The following RORB variants were observed in gnomAD, a reference collection of about 807,000 sequenced individuals.
RORB encodes nuclear receptor ROR-beta.
In RORB, 6 loss-of-function variants were observed where a neutral mutation model predicts 59.1. The observed-to-expected ratio is 0.10, with a 90% CI of 0.06 to 0.20. The LOEUF (loss-of-function observed/expected upper bound fraction) is 0.20. RORB is among the 10% of genes least tolerant of loss of function. RORB has a pLI of 1.00. For missense variants in RORB, 320 were observed against 560.5 expected (o/e 0.57, Z 4.33); for synonymous variants, 215 against 204.5 (o/e 1.05, Z -0.44).
chr9:74,665,023 T>C (rs1029599856), intron 6 of RORB, among the ~76,000 whole-genome samples: 1 of 152,204 alleles, frequency 6.6e-6, no homozygotes, highest in Non-Finnish European at 1.5e-5. Context: ...AATACAGTAA[T>C]CATGGCTGCC....
At chr9:74,679,066 AAAACAAAAAAAC>A (rs1327637682) in intron 9 of RORB, among the ~76,000 whole-genome samples, 15 of 151,874 alleles carry the variant, frequency 9.9e-5, no homozygotes, top group Middle Eastern at 3.4e-3. Context: ...AACAAAAAAA[AAAACAAAAAAAC>A]CAACCAAACA....
chr9:74,512,331 G>A (rs1430209831), intron 1 of RORB, among the ~76,000 whole-genome samples: 2 of 152,176 alleles, frequency 1.3e-5, no homozygotes, highest in African/African-American at 4.8e-5. Flanking sequence ...CATTGGTGGA[G>A]TTGTGGGAAT....
intron 1 of RORB, among the ~76,000 whole-genome samples, chr9:74,514,144 C>T (rs962146776): frequency 6.6e-6 from 1 of 152,114 alleles, no homozygotes; most frequent in Non-Finnish European, 1.5e-5. Context: ...CTTTGGACAA[C>T]AGCTACTGCT....
intron 1 of RORB, among the ~76,000 whole-genome samples, chr9:74,615,424 C>G (rs1019880466): frequency 1.3e-5 from 2 of 152,194 alleles, no homozygotes; most frequent in African/African-American, 4.8e-5. Context: ...CCTGAGCCAG[C>G]CTTTCACCCT....
intron 1 of RORB, among the ~76,000 whole-genome samples, chr9:74,518,109 C>T (rs1279296672): frequency 6.6e-6 from 1 of 152,004 alleles, no homozygotes; most frequent in East Asian, 1.9e-4. Context: ...CTGACCTCCT[C>T]CTCTGGGTCT....
At chr9:74,625,398 G>C (rs1823494379) in intron 1 of RORB, among the ~76,000 whole-genome samples, 1 of 152,166 alleles carries the variant, frequency 6.6e-6, no homozygotes, top group Non-Finnish European at 1.5e-5. Flanking sequence ...CGGATCACTT[G>C]GGGCCAGAAG....
chr9:74,622,699 G>T (rs1047258793), intron 1 of RORB, among the ~76,000 whole-genome samples: 3 of 151,596 alleles, frequency 2.0e-5, no homozygotes, highest in Non-Finnish European at 2.9e-5. Flanking sequence ...GCTAATTTTT[G>T]TATTTTTAGT....
intron 1 of RORB, among the ~76,000 whole-genome samples, chr9:74,533,855 G>A (rs1444865283): frequency 6.6e-6 from 1 of 151,916 alleles, no homozygotes; most frequent in Non-Finnish European, 1.5e-5. Context: ...AAGTTAAAAA[G>A]TTAATGACAT....
chr9:74,574,166 T>C (rs1015678700), intron 1 of RORB, among the ~76,000 whole-genome samples: 1 of 151,968 alleles, frequency 6.6e-6, no homozygotes. Context: ...ACCCACTCCT[T>C]CCCCTGAAAA....
chr9:74,620,973 A>G (rs1040569326), intron 1 of RORB, among the ~76,000 whole-genome samples: 1 of 152,190 alleles, frequency 6.6e-6, no homozygotes, highest in Admixed American at 6.5e-5. Flanking sequence ...AAAAATTAAT[A>G]AACATTTTTA....
At chr9:74,540,061 C>A (rs1248661778) in intron 1 of RORB, among the ~76,000 whole-genome samples, 5 of 152,052 alleles carry the variant, frequency 3.3e-5, no homozygotes, top group African/African-American at 1.2e-4. Context: ...GAATTTACAA[C>A]CTTCGCACCT....
chr9:74,508,974 A>G (rs1825901380), intron 1 of RORB, among the ~76,000 whole-genome samples: 1 of 151,916 alleles, frequency 6.6e-6, no homozygotes, highest in South Asian at 2.1e-4. Context: ...TCCCTAATCA[A>G]CTATGGCATT....
chr9:74,622,838 T>TC (rs1160206513), intron 1 of RORB, among the ~76,000 whole-genome samples: 2 of 152,128 alleles, frequency 1.3e-5, no homozygotes, highest in East Asian at 3.9e-4. Flanking sequence ...ACCCAGATTC[T>TC]TATAGGCCCA....
intron 9 of RORB, among the ~76,000 whole-genome samples, chr9:74,677,011 C>T (rs566839809): frequency 7.9e-5 from 12 of 152,294 alleles, no homozygotes; most frequent in East Asian, 3.9e-4. Flanking sequence ...GTCATTGCCA[C>T]GTGGGCCACA....
chr9:74,667,649 A>T, intron 7 of RORB, 142 bp from the exon 8 acceptor site: 1 of 557,656 alleles, frequency 1.8e-6, no homozygotes, highest in Admixed American at 3.0e-5. Context: ...ATCACTTTTT[A>T]TAATTAGAAA....
chr9:74,513,757 A>G (rs1233307452), intron 1 of RORB, among the ~76,000 whole-genome samples: 2 of 152,158 alleles, frequency 1.3e-5, no homozygotes, highest in Non-Finnish European at 2.9e-5. Context: ...TTTCAAATGT[A>G]TGATATGCTA....
chr9:74,594,565 CAG>C (rs913585911), intron 1 of RORB, among the ~76,000 whole-genome samples: 3 of 152,060 alleles, frequency 2.0e-5, no homozygotes, highest in East Asian at 1.9e-4. Flanking sequence ...ATATATGAGA[CAG>C]AGAGAGAAAA....
intron 1 of RORB, among the ~76,000 whole-genome samples, chr9:74,513,602 A>G (rs1445402313): frequency 1.3e-5 from 2 of 151,966 alleles, no homozygotes; most frequent in African/African-American, 2.4e-5. Context: ...TTTTTTGGAG[A>G]GTGGTATAAC....
intron 4 of RORB, 99 bp from the exon 5 acceptor site, chr9:74,660,518 G>T: frequency 1.9e-6 from 2 of 1,028,056 alleles, no homozygotes; most frequent in South Asian, 1.9e-5. Context: ...TAATACAATA[G>T]GAGTATCTCC....
Sources: allele counts gnomAD v4.1 joint callset (sites outside exome capture counted in the v4.1 genomes callset), GRCh38; gene constraint gnomAD v4.1.1; transcripts MANE v1.5; gene names NCBI Gene and HGNC (gene_info 2026-07-23, HGNC 2026-07-21).